The following RYR3 variants were observed in gnomAD, a reference collection of about 807,000 sequenced individuals.
RYR3 encodes ryanodine receptor 3.
Under a neutral mutation model 584.3 loss-of-function variants are expected in RYR3, and 207 were observed. The ratio of observed to expected loss-of-function variants is 0.35; its 90% CI spans 0.32 to 0.40. The LOEUF (loss-of-function observed/expected upper bound fraction) is 0.40, where lower values mean the gene tolerates loss of function less well. Ranked by LOEUF, RYR3 falls within the 10% of genes least tolerant of loss-of-function variation. The pLI, the probability that RYR3 is intolerant of heterozygous loss-of-function variation, is 1.00. For missense variants in RYR3, 5,616 were observed against 6,089.2 expected (o/e 0.92, Z 2.59); for synonymous variants, 2,416 against 2,248.5 (o/e 1.07, Z -2.11).
intron 96 of RYR3, 58 bp from the exon 97 acceptor site, chr15:33,854,331 T>G (rs1259843177): frequency 1.4e-6 from 2 of 1,414,672 alleles, no homozygotes; most frequent in African/African-American, 2.9e-5. Flanking sequence ...TCCCCCTTAT[T>G]GAGCACTTAA....
intron 1 of RYR3, among the ~76,000 whole-genome samples, chr15:33,361,636 A>C (rs1595853554): frequency 6.6e-6 from 1 of 152,176 alleles, no homozygotes; most frequent in South Asian, 2.1e-4. Flanking sequence ...AGCAGAAAGG[A>C]CTTCCTTCGC....
intron 16 of RYR3, among the ~76,000 whole-genome samples, chr15:33,591,676 G>A (rs1471428977): frequency 6.6e-6 from 1 of 152,096 alleles, no homozygotes; most frequent in Non-Finnish European, 1.5e-5. Context: ...CTCCAAACCT[G>A]CTCAAAGTTG....
intron 67 of RYR3, among the ~76,000 whole-genome samples, chr15:33,791,454 A>T (rs578148994): frequency 6.6e-6 from 1 of 152,162 alleles, no homozygotes; most frequent in East Asian, 1.9e-4. Context: ...TTATTTTCTC[A>T]GTGAAGTAGG....
intron 1 of RYR3, among the ~76,000 whole-genome samples, chr15:33,433,903 A>C (rs1225514942): frequency 6.6e-6 from 1 of 152,194 alleles, no homozygotes. Flanking sequence ...GTGTGACCTC[A>C]CTGGACACAA....
Position 33,437,183 on chromosome 15 carries a change from G to GA in RYR3, c.52-36228dup, listed in dbSNP as rs937863860. Among the ~76,000 whole-genome samples the GA allele has an allele frequency of 7.3e-5, 11 of 150,718 alleles. No individual in the cohort carries two copies. The East Asian group carries it at 1.2e-3, about 16-fold the overall frequency. The stretch of plus-strand genomic sequence containing the variant: ...AAATTCAATATGATTGCAAAAAATA[G>GA]AAAAAAAATAGTGGCCTATTAAGCC... On this transcript the variant is annotated intron_variant, in intron 1 of 103. Coordinates refer to ENST00000634891, the MANE Select transcript of RYR3 (RefSeq NM_001036.6).
chr15:33,548,270 A>G, intron 9 of RYR3, 66 bp downstream of exon 9: 1 of 967,424 alleles, frequency 1.0e-6, no homozygotes, highest in Non-Finnish European at 1.6e-6. Context: ...CCGTTCTCTT[A>G]AATATTTCAT....
At position 33,689,736 on chromosome 15, in the gene RYR3, A is replaced by G. The variant is rs1238741713; in HGVS notation, c.5861-6482A>G. ...CTCTTCTCTAGTTTCTTTTGAATAT[A>G]TGTGTTACTATAGGAGTTATACCTT... On this transcript the variant is annotated intron_variant, in intron 38 of 103. Transcript: ENST00000634891. Among the ~76,000 whole-genome samples the G allele has an allele frequency of 5.9e-5, 9 of 152,338 alleles. No individual in the cohort carries two copies. In the East Asian group the frequency reaches 1.7e-3, roughly 29 times the overall value.
intron 60 of RYR3, among the ~76,000 whole-genome samples, chr15:33,759,427 A>G (rs1242439235): frequency 6.6e-6 from 1 of 152,216 alleles, no homozygotes; most frequent in African/African-American, 2.4e-5. Context: ...GCTAACTAGA[A>G]TAACCAGTTT....
chr15:33,661,198 A>G (rs536131025), intron 34 of RYR3, among the ~76,000 whole-genome samples: 1 of 152,112 alleles, frequency 6.6e-6, no homozygotes, highest in Non-Finnish European at 1.5e-5. Flanking sequence ...CCTCAAATCC[A>G]TGAGGAGTCG....
chr15:33,379,312 G>A (rs780435230), intron 1 of RYR3, among the ~76,000 whole-genome samples: 8 of 152,200 alleles, frequency 5.3e-5, no homozygotes, highest in Non-Finnish European at 1.0e-4. Context: ...TTAGTGACTG[G>A]TCATGTGGCT....
intron 36 of RYR3, among the ~76,000 whole-genome samples, chr15:33,664,873 A>C (rs767118403): frequency 2.0e-5 from 3 of 152,114 alleles, no homozygotes; most frequent in Non-Finnish European, 4.4e-5. Context: ...TAAAACGTAG[A>C]TATCTATATT....
At chr15:33,435,400 A>C (rs765847366) in intron 1 of RYR3, among the ~76,000 whole-genome samples, 1 of 152,170 alleles carries the variant, frequency 6.6e-6, no homozygotes, top group Admixed American at 6.5e-5. Flanking sequence ...GTGGCATTCC[A>C]GTGTATACAT....
chr15:33,719,337 C>CA (rs1491497621), intron 43 of RYR3, among the ~76,000 whole-genome samples: 1 of 152,170 alleles, frequency 6.6e-6, no homozygotes, highest in Non-Finnish European at 1.5e-5. Context: ...ACGTAGAACT[C>CA]ACAGTCTGAT....
At chr15:33,691,161 A>C (rs1346315978) in intron 38 of RYR3, among the ~76,000 whole-genome samples, 1 of 75,620 alleles carries the variant, frequency 1.3e-5, no homozygotes, top group Non-Finnish European at 4.1e-5. Context: ...CTGAAACCAT[A>C]TTAACTAGAT....
At chr15:33,452,979 C>G (rs929196604) in intron 1 of RYR3, among the ~76,000 whole-genome samples, 5 of 152,186 alleles carry the variant, frequency 3.3e-5, no homozygotes, top group African/African-American at 1.2e-4. Flanking sequence ...AATCTTCATA[C>G]CAACATTTGC....
chr15:33,737,211 A>C (rs1385334326), intron 49 of RYR3, among the ~76,000 whole-genome samples: 2 of 152,128 alleles, frequency 1.3e-5, no homozygotes, highest in Non-Finnish European at 2.9e-5. Flanking sequence ...CTCCCTCCTC[A>C]GTCTCCCAAA....
chr15:33,369,534 T>C (rs977620598), intron 1 of RYR3, among the ~76,000 whole-genome samples: 4 of 152,366 alleles, frequency 2.6e-5, no homozygotes, highest in Middle Eastern at 3.4e-3. Flanking sequence ...GGATTCTCTC[T>C]GTTACCTTCA....
At chr15:33,642,443 A>G (rs1315695272) in intron 27 of RYR3, among the ~76,000 whole-genome samples, 4 of 152,214 alleles carry the variant, frequency 2.6e-5, no homozygotes, top group East Asian at 1.9e-4. Flanking sequence ...TAACTAAAAT[A>G]CTGTCTTGAG....
chr15:33,704,640 G>A (rs541301993), intron 42 of RYR3, among the ~76,000 whole-genome samples: 2 of 152,332 alleles, frequency 1.3e-5, no homozygotes, highest in Non-Finnish European at 2.9e-5. Context: ...GACGATAACC[G>A]ATGCTTGTGT....
Sources: gnomAD v4.1 joint callset for allele counts (sites outside exome capture counted in the v4.1 genomes callset) on GRCh38, gnomAD v4.1.1 for gene constraint, MANE v1.5 for transcripts, NCBI Gene and HGNC (gene_info 2026-07-23, HGNC 2026-07-21) for gene names.